CNTNAP2: variants seen among roughly 807,000 people sequenced by gnomAD.
The protein encoded by CNTNAP2 is contactin-associated protein-like 2.
Under a neutral mutation model 155.2 loss-of-function variants are expected in CNTNAP2, and 98 were observed. The observed-to-expected ratio is 0.63, with a 90% confidence interval of 0.54 to 0.75. The LOEUF is 0.75. Among genes scored for constraint, CNTNAP2 ranks in the 30% least tolerant of loss-of-function variants. The pLI, the probability that CNTNAP2 is intolerant of heterozygous loss-of-function variation, is 0.00. For synonymous variants in CNTNAP2, 651 were observed against 631.2 expected, an observed-to-expected ratio of 1.03 and a Z score of -0.47; for missense variants, 1,727 against 1,688.1, an observed-to-expected ratio of 1.02 and a Z score of -0.40.
intron 3 of CNTNAP2, among the ~76,000 whole-genome samples, chr7:147,005,664 T>C (rs370158812): frequency 2.0e-5 from 3 of 152,170 alleles, no homozygotes; most frequent in East Asian, 3.9e-4. Flanking sequence ...ATAAATTCTA[T>C]TATGCAGACT....
intron 8 of CNTNAP2, among the ~76,000 whole-genome samples, chr7:147,267,353 T>C (rs192918135): frequency 2.7e-4 from 41 of 152,330 alleles, no homozygotes; most frequent in Admixed American, 1.7e-3. Context: ...GTATTAATAA[T>C]GTCCAGTGGT....
intron 1 of CNTNAP2, among the ~76,000 whole-genome samples, chr7:146,439,715 C>T (rs1279074721): frequency 1.3e-5 from 2 of 151,522 alleles, no homozygotes; most frequent in African/African-American, 2.5e-5. Flanking sequence ...GTCGTAGTCA[C>T]AAAGGTTCCA....
At chr7:148,341,510 C>T (rs1393474108) in intron 21 of CNTNAP2, among the ~76,000 whole-genome samples, 2 of 151,980 alleles carry the variant, frequency 1.3e-5, no homozygotes, top group East Asian at 1.9e-4. Context: ...AATTTTTAGG[C>T]GTTACCTAAC....
At chr7:147,928,439 C>A (rs1800436673) in intron 14 of CNTNAP2, among the ~76,000 whole-genome samples, 1 of 152,112 alleles carries the variant, frequency 6.6e-6, no homozygotes, top group Admixed American at 6.5e-5. Context: ...GTAACATAAT[C>A]AGAAGTGTTA....
At chr7:147,126,195 C>A (rs1801230933) in intron 6 of CNTNAP2, among the ~76,000 whole-genome samples, 1 of 151,988 alleles carries the variant, frequency 6.6e-6, no homozygotes, top group African/African-American at 2.4e-5. Context: ...TATTTTTTTT[C>A]CCTAATGAGG....
chr7:146,736,062 A>C (rs533597109), intron 1 of CNTNAP2, among the ~76,000 whole-genome samples: 23 of 152,278 alleles, frequency 1.5e-4, no homozygotes, highest in Non-Finnish European at 3.1e-4. Flanking sequence ...AGCCAAAATA[A>C]AAAAACCACA....
intron 11 of CNTNAP2, among the ~76,000 whole-genome samples, chr7:147,532,864 A>G (rs1799467815): frequency 6.6e-6 from 1 of 152,034 alleles, no homozygotes; most frequent in African/African-American, 2.4e-5. Flanking sequence ...TGATTCAATT[A>G]CCTCCCCCTG....
intron 1 of CNTNAP2, among the ~76,000 whole-genome samples, chr7:146,383,005 T>C (rs1182021950): frequency 2.0e-5 from 3 of 152,176 alleles, no homozygotes; most frequent in Non-Finnish European, 4.4e-5. Flanking sequence ...TCCAAAAATC[T>C]CTTTCAACCT....
intron 1 of CNTNAP2, among the ~76,000 whole-genome samples, chr7:146,255,381 G>T (rs767573066): frequency 2.0e-5 from 3 of 152,108 alleles, no homozygotes; most frequent in East Asian, 1.9e-4. Context: ...TTTTCATACC[G>T]AAGAGTAGAA....
At chr7:146,148,788 T>C (rs969253501) in intron 1 of CNTNAP2, among the ~76,000 whole-genome samples, 1 of 152,070 alleles carries the variant, frequency 6.6e-6, no homozygotes, top group Admixed American at 6.6e-5. Context: ...AAATCATTGA[T>C]AACATAATCT....
At chr7:147,306,346 C>G (rs1269391455) in intron 9 of CNTNAP2, among the ~76,000 whole-genome samples, 1 of 152,074 alleles carries the variant, frequency 6.6e-6, no homozygotes. Context: ...GGCATTCAAA[C>G]AAACAAAAAC....
intron 1 of CNTNAP2, among the ~76,000 whole-genome samples, chr7:146,710,412 G>A (rs1801042977): frequency 6.6e-6 from 1 of 152,118 alleles, no homozygotes; most frequent in African/African-American, 2.4e-5. Context: ...CATTCTTGTT[G>A]ACACAGATTT....
At chr7:146,164,019 T>C (rs533051720) in intron 1 of CNTNAP2, among the ~76,000 whole-genome samples, 5 of 152,196 alleles carry the variant, frequency 3.3e-5, no homozygotes, top group African/African-American at 9.6e-5. Flanking sequence ...GTTCTGTTGA[T>C]ATTATATTTG....
At chr7:148,165,166 G>A (rs534009215) in intron 17 of CNTNAP2, among the ~76,000 whole-genome samples, 2 of 152,178 alleles carry the variant, frequency 1.3e-5, no homozygotes, top group African/African-American at 2.4e-5. Context: ...CCGTAGGGTT[G>A]CTTTCTTCTG....
chr7:146,944,413 G>C lies in CNTNAP2; in HGVS notation c.403-99494G>C, dbSNP rs553539090. ...ATATGGTATATTGAATCTTAATTCT[G>C]TGTTATATCTTAATTTTTATGAAAC... On this transcript the variant is annotated intron_variant, in intron 3 of 23. Transcript: ENST00000361727. 2.0e-5 allele frequency among the ~76,000 whole-genome samples: 3 copies of C among 151,798 alleles called. No individual in the cohort carries two copies. In the South Asian group the frequency reaches 6.2e-4, roughly 32 times the overall value.
chr7:146,554,038 T>C (rs1297633417), intron 1 of CNTNAP2, among the ~76,000 whole-genome samples: 5 of 152,310 alleles, frequency 3.3e-5, no homozygotes, highest in Middle Eastern at 6.8e-3. Context: ...CTTTTGGGCA[T>C]TCCATTTGTT....
At chr7:148,291,657 T>C (rs1797192986) in intron 21 of CNTNAP2, among the ~76,000 whole-genome samples, 1 of 152,156 alleles carries the variant, frequency 6.6e-6, no homozygotes. Flanking sequence ...CCAGGACCAA[T>C]ACTTTGCATC....
chr7:146,263,704 A>G (rs1235630818), intron 1 of CNTNAP2, among the ~76,000 whole-genome samples: 3 of 152,206 alleles, frequency 2.0e-5, no homozygotes, highest in Non-Finnish European at 4.4e-5. Context: ...GAGATCAGGG[A>G]TACCATATGG....
chr7:147,372,045 A>T (rs559933849), intron 9 of CNTNAP2, among the ~76,000 whole-genome samples: 1 of 152,236 alleles, frequency 6.6e-6, no homozygotes, highest in African/African-American at 2.4e-5. Context: ...TCTCCAAAAC[A>T]AGTATTCCCC....
Sources: allele counts gnomAD v4.1 joint callset (sites outside exome capture counted in the v4.1 genomes callset), GRCh38; gene constraint gnomAD v4.1.1; transcripts MANE v1.5; gene names NCBI Gene and HGNC (gene_info 2026-07-23, HGNC 2026-07-21).